The following ABCC4 variants were observed in gnomAD, a reference collection of about 807,000 sequenced individuals.
ABCC4 encodes the protein ATP-binding cassette sub-family C member 4.
Under a neutral mutation model 168.5 loss-of-function variants are expected in ABCC4, and 102 were observed. The ratio of observed to expected loss-of-function variants is 0.61; its 90% CI spans 0.52 to 0.71. The LOEUF is 0.71. Among genes scored for constraint, ABCC4 ranks in the 30% least tolerant of loss-of-function variants. The probability of loss-of-function intolerance (pLI) is 0.00; values close to 1 mark genes in which losing one functional copy is unlikely to be tolerated. For synonymous variants in ABCC4, 617 were observed against 590.7 expected, an observed-to-expected ratio of 1.04 and a Z score of -0.65; for missense variants, 1,402 against 1,605.8, an observed-to-expected ratio of 0.87 and a Z score of 2.17.
At chr13:95,187,167 G>A (rs2038093349) in intron 10 of ABCC4, among the ~76,000 whole-genome samples, 1 of 152,152 alleles carries the variant, frequency 6.6e-6, no homozygotes, top group African/African-American at 2.4e-5. Context: ...ATGGTACACG[G>A]AACAAAGATC....
chr13:95,086,807 G>T (rs2034271994), intron 20 of ABCC4, among the ~76,000 whole-genome samples: 1 of 152,154 alleles, frequency 6.6e-6, no homozygotes, highest in Non-Finnish European at 1.5e-5. Flanking sequence ...GGTACAAGAT[G>T]AAATATGTAT....
At chr13:95,283,352 T>G (rs966010992) in intron 1 of ABCC4, among the ~76,000 whole-genome samples, 1 of 144,628 alleles carries the variant, frequency 6.9e-6, no homozygotes, top group Non-Finnish European at 1.5e-5. Flanking sequence ...ACCTTGAAGT[T>G]TTTCTGTGGT....
intron 8 of ABCC4, among the ~76,000 whole-genome samples, chr13:95,197,193 C>T (rs2038481283): frequency 1.3e-5 from 2 of 152,204 alleles, no homozygotes. Context: ...TTCACAGATA[C>T]ATGCTACAGT....
intron 27 of ABCC4, among the ~76,000 whole-genome samples, chr13:95,049,325 CTCTG>C: frequency 6.8e-6 from 1 of 146,558 alleles, no homozygotes; most frequent in South Asian, 2.1e-4. Context: ...CAGAGCAAGA[CTCTG>C]TCTAAAAAAA....
intron 21 of ABCC4, among the ~76,000 whole-genome samples, chr13:95,081,714 C>T (rs2034100975): frequency 6.6e-6 from 1 of 152,102 alleles, no homozygotes; most frequent in Non-Finnish European, 1.5e-5. Flanking sequence ...TTAGAGTTCA[C>T]TGTTGGCCAG....
At chr13:95,107,278 A>T (rs1169151442) in intron 20 of ABCC4, among the ~76,000 whole-genome samples, 1 of 152,094 alleles carries the variant, frequency 6.6e-6, no homozygotes, top group East Asian at 1.9e-4. Flanking sequence ...ACAAAACAAA[A>T]CTAGAGTATT....
intron 20 of ABCC4, among the ~76,000 whole-genome samples, chr13:95,102,922 A>T (rs1212646049): frequency 6.9e-6 from 1 of 144,208 alleles, no homozygotes; most frequent in African/African-American, 2.5e-5. Context: ...CACCTGGCCC[A>T]GTCACATCTA....
chr13:95,202,804 A>C (rs1389058850), intron 8 of ABCC4, among the ~76,000 whole-genome samples: 1 of 151,996 alleles, frequency 6.6e-6, no homozygotes, highest in African/African-American at 2.4e-5. Context: ...GCGTGCCACC[A>C]TGCCCAGCTG....
At chr13:95,259,556 C>T (rs2040477355) in intron 1 of ABCC4, among the ~76,000 whole-genome samples, 1 of 152,186 alleles carries the variant, frequency 6.6e-6, no homozygotes, top group Non-Finnish European at 1.5e-5. Flanking sequence ...ACAGCATCCC[C>T]ATCCCAAGTC....
chr13:95,058,451 C>G (rs894070255), intron 26 of ABCC4, among the ~76,000 whole-genome samples: 7 of 150,858 alleles, frequency 4.6e-5, no homozygotes, highest in African/African-American at 1.7e-4. Flanking sequence ...CACCTGTAAT[C>G]CCAGCTACTC....
rs780621852 is a variant in ABCC4 at position 95,244,669 on chromosome 13, G to GAAAGAAAT, written c.306+2305_306+2306insATTTCTTT. Among the ~76,000 whole-genome samples, 29 of 68,016 alleles carry GAAAGAAAT rather than the reference G, an allele frequency of 4.3e-4. 1 individual carries two copies. The highest frequency in any genetic ancestry group is 8.4e-4 in the East Asian group (2 of 2,386). 44.6% of individuals were successfully genotyped at this position (68,016 alleles called of 152,430 possible). ...AGAAAGAAAGAAAGAAAGAAAGAAA[G>GAAAGAAAT]AAATCATAGCAGTTCCTGGTACATA... On this transcript the variant is annotated intron_variant, in intron 3 of 30. Transcript: ENST00000645237.
intron 4 of ABCC4, among the ~76,000 whole-genome samples, chr13:95,216,564 C>A (rs2039113816): frequency 7.3e-6 from 1 of 136,138 alleles, no homozygotes; most frequent in Non-Finnish European, 1.5e-5. Flanking sequence ...AAATGCCTAC[C>A]AATTATTTTT....
intron 3 of ABCC4, among the ~76,000 whole-genome samples, chr13:95,240,404 G>T (rs1390258416): frequency 1.3e-5 from 2 of 151,776 alleles, no homozygotes; most frequent in African/African-American, 2.4e-5. Context: ...GGTGGCAGAT[G>T]CCTATAATCC....
chr13:95,139,483 G>T (rs1015208696), intron 19 of ABCC4, among the ~76,000 whole-genome samples: 1 of 152,174 alleles, frequency 6.6e-6, no homozygotes, highest in East Asian at 1.9e-4. Context: ...TGTGTAGGGG[G>T]TGAGCAAAAC....
At chr13:95,120,962 G>A (rs2035550728) in intron 19 of ABCC4, among the ~76,000 whole-genome samples, 1 of 152,176 alleles carries the variant, frequency 6.6e-6, no homozygotes, top group African/African-American at 2.4e-5. Flanking sequence ...GAGGGGATGG[G>A]CCAGCCTGGA....
At chr13:95,143,519 CTT>C (rs1253760098) in intron 19 of ABCC4, among the ~76,000 whole-genome samples, 3 of 152,224 alleles carry the variant, frequency 2.0e-5, no homozygotes, top group Non-Finnish European at 2.9e-5. Context: ...TCCTTTCCCT[CTT>C]TCTCTCCTTT....
intron 20 of ABCC4, among the ~76,000 whole-genome samples, chr13:95,097,911 G>A (rs1482682922): frequency 1.3e-5 from 2 of 152,060 alleles, no homozygotes; most frequent in Non-Finnish European, 2.9e-5. Context: ...TGAGGTGGGA[G>A]GCTCACTTGA....
chr13:95,087,189 G>T (rs191840486), intron 20 of ABCC4, among the ~76,000 whole-genome samples: 1 of 152,146 alleles, frequency 6.6e-6, no homozygotes, highest in Non-Finnish European at 1.5e-5. Context: ...TATTTATTTT[G>T]GGAACACATG....
chr13:95,166,526 A>C (rs2139560986), intron 14 of ABCC4, among the ~76,000 whole-genome samples, 159 bp from the exon 15 acceptor site: 1 of 152,350 alleles, frequency 6.6e-6, no homozygotes, highest in Middle Eastern at 3.4e-3. Context: ...CTTGATACAC[A>C]ACTGAGTGTT....
Sources: gnomAD v4.1 joint callset for allele counts (sites outside exome capture counted in the v4.1 genomes callset) on GRCh38, gnomAD v4.1.1 for gene constraint, MANE v1.5 for transcripts, NCBI Gene and HGNC (gene_info 2026-07-23, HGNC 2026-07-21) for gene names.